The following UGT1A4 variants were observed in gnomAD, a reference collection of about 807,000 sequenced individuals.
UGT1A4 encodes UDP-glucuronosyltransferase 1A4.
UGT1A4 carries 32 observed loss-of-function variants against 41.1 expected under a neutral mutation model. The ratio of observed to expected loss-of-function variants is 0.78; its 90% CI spans 0.59 to 1.05. The LOEUF (loss-of-function observed/expected upper bound fraction) is 1.05. UGT1A4 is among the 50% of genes least tolerant of loss of function. The pLI is 0.00. For missense variants in UGT1A4, 748 were observed against 677.4 expected (o/e 1.10, Z -1.16); for synonymous variants, 283 against 265.1 (o/e 1.07, Z -0.66).
In UGT1A4 at chr2:233,719,495, T is replaced by A; in HGVS notation, c.675T>A (p.His225Gln). 2 of 1,613,994 alleles carry A rather than the reference T, an allele frequency of 1.2e-6. No individual in the cohort carries two copies. The highest frequency in any genetic ancestry group is 1.7e-6 in the Non-Finnish European group (2 of 1,179,878). Residue 225 changes from histidine to glutamine, a missense_variant, in exon 1 of 5, where the codon CAT (histidine) becomes CAA (glutamine). By Grantham distance (24) the His-to-Gln change is conservative (BLOSUM62 0). Coordinates refer to ENST00000373409, the MANE Select transcript of UGT1A4 (RefSeq NM_007120.3). Reference sequence around the variant, plus strand: ...CTCTGGCCCTGTCCTACATTTGCCATACTTTTTCTGCCCCTTATGCAAGTC... The same window carrying A: ...CTCTGGCCCTGTCCTACATTTGCCAAACTTTTTCTGCCCCTTATGCAAGTC... ...LYPLALSYIC[H>Q]TFSAPYASLA...
chr2:233,730,885 G>C (rs948643464), intron 1 of UGT1A4, among the ~76,000 whole-genome samples: 12 of 152,158 alleles, frequency 7.9e-5, no homozygotes, highest in South Asian at 2.1e-4. Flanking sequence ...TTTCTATAGT[G>C]GGATCTACTC....
intron 1 of UGT1A4, among the ~76,000 whole-genome samples, chr2:233,759,519 G>A (rs757989605): frequency 9.9e-5 from 15 of 152,084 alleles, no homozygotes; most frequent in Non-Finnish European, 2.2e-4. Context: ...GCCTGTCCTT[G>A]GGGAAGACTT....
At chr2:233,757,844 A>G (rs1442911565) in intron 1 of UGT1A4, among the ~76,000 whole-genome samples, 1 of 151,968 alleles carries the variant, frequency 6.6e-6, no homozygotes. Context: ...CTACTAACTT[A>G]TGTCTTCAGC....
chr2:233,755,297 AC>A (rs1695850513), intron 1 of UGT1A4: 1 of 623,324 alleles, frequency 1.6e-6, no homozygotes, highest in Admixed American at 3.1e-5. Context: ...CCTGCGGGGC[AC>A]TGGCACAGCG....
rs542172440 is a variant in UGT1A4 at position 233,772,689 on chromosome 2, A to C, written c.*130A>C. ...CTTTGCATAAATTAATCAGCCCCAG[A>C]GTGCTTTAAAAAATTCTCTTAAATA... On this transcript the variant is annotated 3_prime_UTR_variant, in exon 5 of 5. Transcript: ENST00000373409. 4.0e-6 allele frequency: 6 copies of C among 1,492,458 alleles called. No homozygotes were observed. In the African/African-American group the frequency reaches 8.5e-5, roughly 21 times the overall value. 92.5% of individuals were successfully genotyped at this position (1,492,458 alleles called of 1,614,324 possible). A position where few individuals can be genotyped will look rare whatever the true frequency, so the allele number is the denominator to read the frequency against.
At chr2:233,734,324 A>G (rs1395140152) in intron 1 of UGT1A4, among the ~76,000 whole-genome samples, 1 of 152,194 alleles carries the variant, frequency 6.6e-6, no homozygotes, top group Non-Finnish European at 1.5e-5. Flanking sequence ...ACGTATTTAT[A>G]GTATTCTCTG....
chr2:233,724,346 CCCA>C (rs2077232466), intron 1 of UGT1A4, among the ~76,000 whole-genome samples: 1 of 148,186 alleles, frequency 6.7e-6, no homozygotes, highest in Non-Finnish European at 1.5e-5. Context: ...GCTGACCCCC[CCCA>C]CCTCCCTCCC....
intron 1 of UGT1A4, chr2:233,755,173 C>T (rs541147048): frequency 7.2e-6 from 9 of 1,248,952 alleles, no homozygotes; most frequent in Non-Finnish European, 9.8e-6. Flanking sequence ...GGGTTTTTGT[C>T]GGGGTGCCAC....
chr2:233,753,244 G>A (rs1445000409), intron 1 of UGT1A4: 1 of 152,136 alleles, frequency 6.6e-6, no homozygotes, highest in Non-Finnish European at 1.5e-5. Flanking sequence ...TATTATTTAA[G>A]AAGCAACTAC....
chr2:233,769,044 C>T lies in UGT1A4; in HGVS notation c.1307+605C>T, dbSNP rs1247244577. ...AAGTTGCCATAATAGACATCTGATC[C>T]ATAAGTTTCCTGCACAGAAAGAAAT... On this transcript the variant is annotated intron_variant, in intron 4 of 4. Coordinates refer to ENST00000373409, the MANE Select transcript of UGT1A4 (RefSeq NM_007120.3). The surrounding 1 kb of genome is among the most constrained non-coding windows in gnomAD (Gnocchi z 4.4). Among the ~76,000 whole-genome samples the T allele has an allele frequency of 6.6e-6, 1 of 152,006 alleles. No individual in the cohort carries two copies. The highest frequency in any genetic ancestry group is 1.5e-5 in the Non-Finnish European group (1 of 68,012).
At chr2:233,739,806 T>C (rs11695770) in intron 1 of UGT1A4, among the ~76,000 whole-genome samples, 15,021 of 151,014 alleles carry the variant, frequency 0.099, 1,689 homozygotes, top group African/African-American at 0.28. Context: ...TGGGAAGGCA[T>C]GATTGGTTTT....
intron 1 of UGT1A4, among the ~76,000 whole-genome samples, chr2:233,725,558 CAT>C (rs771607724): frequency 6.6e-6 from 1 of 152,212 alleles, no homozygotes; most frequent in Middle Eastern, 3.4e-3. Context: ...ATCCTTTCAA[CAT>C]ATATTCGATA....
At position 233,768,344 on chromosome 2, in the gene UGT1A4, C is replaced by T. The variant is rs114941320; in HGVS notation, c.1212C>T (p.Arg404=). 1 of 1,614,076 alleles carries T rather than the reference C, an allele frequency of 6.2e-7. No individual in the cohort carries two copies. The highest frequency in any genetic ancestry group is 2.2e-5 in the East Asian group (1 of 44,874). The change falls in exon 4 of 5, where the codon CGC becomes CGT. Residue 404 remains arginine (R), a synonymous_variant. Coordinates refer to ENST00000373409, the MANE Select transcript of UGT1A4 (RefSeq NM_007120.3). ...GTGATCAGATGGACAATGCAAAGCG[C>T]ATGGAGACTAAGGGAGCTGGAGTGA... is the stretch of plus-strand genomic sequence containing the variant. ...LFGDQMDNAK[R]METKGAGVTL...
intron 1 of UGT1A4, among the ~76,000 whole-genome samples, chr2:233,728,329 C>T (rs541948735): frequency 6.6e-6 from 1 of 152,154 alleles, no homozygotes; most frequent in Admixed American, 6.5e-5. Flanking sequence ...GGCTCCAGCT[C>T]CCCCAGTCCC....
chr2:233,767,857 G>C lies in UGT1A4; in HGVS notation c.1008G>C (p.Trp336Cys). The C allele has an allele frequency of 6.2e-7, 1 of 1,614,112 alleles. No individual in the cohort carries two copies. Among genetic ancestry groups the C allele is most frequent in the Non-Finnish European group, 8.5e-7 (1 of 1,180,034 alleles). The change falls in exon 3 of 5, where the codon TGG becomes TGC. Residue 336 changes from tryptophan to cysteine, a missense_variant. By Grantham distance (215) the Trp-to-Cys change is radical (BLOSUM62 -2). Transcript: ENST00000373409. ...ALGKIPQTVL[W>C]RYTGTRPSNL... The stretch of plus-strand genomic sequence containing the variant: ...CTTTTTGCCCCTCCCAGGTCCTGTG[G>C]CGGTACACTGGAACCCGACCATCGA...
chr2:233,725,598 A>C (rs2077461459), intron 1 of UGT1A4, among the ~76,000 whole-genome samples: 1 of 152,158 alleles, frequency 6.6e-6, no homozygotes, highest in Admixed American at 6.5e-5. Flanking sequence ...TATTTGACAT[A>C]GTTTTTTCTT....
At chr2:233,719,835 G>C (rs2076806850) in intron 1 of UGT1A4, 148 bp downstream of exon 1, 18 of 1,540,274 alleles carry the variant, frequency 1.2e-5, no homozygotes, top group Non-Finnish European at 1.6e-5. Context: ...GAGGGGCCTA[G>C]TGTATTTCAA....
At chr2:233,758,789 A>G (rs1481427299) in intron 1 of UGT1A4, among the ~76,000 whole-genome samples, 3 of 152,222 alleles carry the variant, frequency 2.0e-5, no homozygotes, top group Admixed American at 6.5e-5. Context: ...CTGTGCAGTT[A>G]TCTTGGAATT....
chr2:233,722,177 A>G (rs1303891517), intron 1 of UGT1A4: 1 of 157,672 alleles, frequency 6.3e-6, no homozygotes, highest in East Asian at 1.9e-4. Context: ...GACCTTTGCC[A>G]TGTTCGTGCC....
Sources: gnomAD v4.1 joint callset for allele counts (sites outside exome capture counted in the v4.1 genomes callset) on GRCh38, gnomAD v4.1.1 for gene constraint, Gnocchi (gnomAD v3.1) non-coding constraint, MANE v1.5 for transcripts, NCBI Gene and HGNC (gene_info 2026-07-23, HGNC 2026-07-21) for gene names.